The following PTPN4 variants were observed in gnomAD, a reference collection of about 807,000 sequenced individuals.
PTPN4 encodes the protein protein tyrosine phosphatase non-receptor type 4, also known as tyrosine-protein phosphatase non-receptor type 4.
PTPN4 carries 49 observed loss-of-function variants against 135.5 expected under a neutral mutation model. The ratio of observed to expected loss-of-function variants is 0.36; its 90% confidence interval spans 0.29 to 0.46. The LOEUF (loss-of-function observed/expected upper bound fraction) is 0.46, where lower values mean the gene tolerates loss of function less well. PTPN4 is among the 20% of genes least tolerant of loss of function. The probability of loss-of-function intolerance (pLI) is 1.00; values close to 1 mark genes in which losing one functional copy is unlikely to be tolerated. For synonymous variants in PTPN4, 333 were observed against 369.9 expected (o/e 0.90, Z 1.14); for missense variants, 860 against 1,101.0 (o/e 0.78, Z 3.10).
At chr2:119,969,552 C>CTTT (rs35531556) in intron 26 of PTPN4, among the ~76,000 whole-genome samples, 4,029 of 113,308 alleles carry the variant, frequency 0.036, 222 homozygotes, top group African/African-American at 0.057. Context: ...TAATCAATTT[C>CTTT]TTTTTTTTTT....
At chr2:119,766,721 CAG>C (rs1021532874) in intron 1 of PTPN4, among the ~76,000 whole-genome samples, 8 of 152,130 alleles carry the variant, frequency 5.3e-5, no homozygotes, top group African/African-American at 1.9e-4. Flanking sequence ...AGAAATGGAG[CAG>C]AGAGACCAGA....
At chr2:119,959,490 A>C (rs1275891466) in intron 22 of PTPN4, among the ~76,000 whole-genome samples, 2 of 152,230 alleles carry the variant, frequency 1.3e-5, no homozygotes, top group Non-Finnish European at 2.9e-5. Context: ...CTGTAATCCC[A>C]GCACTAAAGA....
intron 1 of PTPN4, among the ~76,000 whole-genome samples, chr2:119,775,813 C>CTA (rs1483788401): frequency 1.4e-4 from 21 of 146,574 alleles, no homozygotes; most frequent in African/African-American, 4.8e-4. Context: ...ATATCTATAT[C>CTA]TATATCTATA....
chr2:119,886,229 C>A (rs530828129), intron 9 of PTPN4, among the ~76,000 whole-genome samples: 3 of 152,138 alleles, frequency 2.0e-5, no homozygotes, highest in Non-Finnish European at 4.4e-5. Context: ...AAAATGTTCT[C>A]ACATCACTGA....
intron 10 of PTPN4, among the ~76,000 whole-genome samples, chr2:119,904,505 C>G (rs370967220): frequency 7.9e-5 from 12 of 152,070 alleles, no homozygotes; most frequent in Non-Finnish European, 1.3e-4. Flanking sequence ...TGAAAGCTTC[C>G]CAACTCTTGC....
intron 15 of PTPN4, among the ~76,000 whole-genome samples, chr2:119,944,559 A>G (rs1679106367): frequency 6.6e-6 from 1 of 152,128 alleles, no homozygotes; most frequent in African/African-American, 2.4e-5. Context: ...CAATATCTCA[A>G]CCAGTTTTGG....
chr2:119,973,206 C>T (rs981508144), intron 26 of PTPN4, among the ~76,000 whole-genome samples: 38 of 152,054 alleles, frequency 2.5e-4, no homozygotes, highest in African/African-American at 9.2e-4. Flanking sequence ...ATTCTACTTT[C>T]TGTTCCTATG....
rs540187170 is a variant in PTPN4, at chr2:119,983,925, G to A, written c.*6855G>A. The A allele has an allele frequency of 3.3e-4, 51 of 152,242 alleles. No individual in the cohort carries two copies. Among genetic ancestry groups the A allele is most frequent in the African/African-American group, 1.0e-3 (42 of 41,556 alleles). 9.4% of individuals were successfully genotyped at this position (152,242 alleles called of 1,614,324 possible). A position where few individuals can be genotyped will look rare whatever the true frequency, so the allele number is the denominator to read the frequency against. On this transcript the variant is annotated 3_prime_UTR_variant, in exon 27 of 27. Transcript: ENST00000263708. ...ACTTAGAAATCCATTTGTTTTCAGT[G>A]TAGTACCTAGGGTGAAGTAGATGCT...
In PTPN4 at chr2:119,932,494, G is replaced by T; in HGVS notation, c.1141G>T (p.Asp381Tyr). 6.2e-7 allele frequency: 1 copy of T among 1,611,906 alleles called. No individual in the cohort carries two copies. Among genetic ancestry groups the T allele is most frequent in the Non-Finnish European group, 8.5e-7 (1 of 1,178,254 alleles). The change falls in exon 14 of 27, where the codon GAC becomes TAC. Residue 381 changes from aspartate to tyrosine, a missense_variant. Physicochemically the swap from Asp to Tyr is radical, Grantham distance 160 (BLOSUM62 -3). Coordinates refer to ENST00000263708, the MANE Select transcript of PTPN4 (RefSeq NM_002830.4). ...EVVSRNSISD[D>Y]RLETQSLPSR... ...AGTAAGCAGAAATTCAATATCTGAT[G>T]ACAGGTTAGAAACACAAAGTCTTCC... is the stretch of plus-strand genomic sequence containing the variant.
chr2:119,951,606 A>G (rs75848423), intron 18 of PTPN4, among the ~76,000 whole-genome samples: 3,190 of 152,306 alleles, frequency 0.021, 49 homozygotes, highest in Non-Finnish European at 0.033. Context: ...TGTGGTAACT[A>G]AAGTTTGAAT....
intron 10 of PTPN4, 39 bp downstream of exon 10, chr2:119,900,845 A>G (rs542769576): frequency 3.4e-6 from 4 of 1,163,932 alleles, no homozygotes; most frequent in Non-Finnish European, 4.9e-6. Flanking sequence ...TTACCACTGT[A>G]TTACTAAATA....
At chr2:119,846,617 T>A (rs1457706498) in intron 2 of PTPN4, among the ~76,000 whole-genome samples, 1 of 152,090 alleles carries the variant, frequency 6.6e-6, no homozygotes, top group African/African-American at 2.4e-5. Context: ...CAGTTAATGT[T>A]ATTATTGATA....
Position 119,962,827 on chromosome 2 carries a change from T to C in PTPN4, c.2409+83T>C, listed in dbSNP as rs1665327876. ...GCTGAAAATGTTTTTAGTTTGAGTA[T>C]TGGTTGCTAGGAAATACTATAAGAA... On this transcript the variant is annotated intron_variant, in intron 24 of 26. Transcript: ENST00000263708. 2.5e-6 allele frequency: 3 copies of C among 1,183,620 alleles called. No homozygotes were observed. In the East Asian group the frequency reaches 8.5e-5, roughly 33 times the overall value. The allele number at this position is 1,183,620 out of a possible 1,614,324, so 73.3% of individuals were successfully genotyped here.
chr2:119,880,994 T>G (rs1047382976), intron 5 of PTPN4, among the ~76,000 whole-genome samples: 1 of 152,148 alleles, frequency 6.6e-6, no homozygotes, highest in East Asian at 1.9e-4. Flanking sequence ...ATAAAAAATC[T>G]TAAGATTTCC....
rs1235201955 is a variant in PTPN4, at chr2:119,949,346, C to G, written c.1657-2627C>G. 2.0e-5 allele frequency among the ~76,000 whole-genome samples: 3 copies of G among 152,196 alleles called. No homozygotes were observed. In the East Asian group the frequency reaches 5.8e-4, roughly 29 times the overall value. On this transcript the variant is annotated intron_variant, in intron 18 of 26. Transcript: ENST00000263708. ...TTCTAATTGGAAACCACAGTTTAGG[C>G]AATCGGGGGAAAAGGAAAAGGTTTC...
intron 23 of PTPN4, 114 bp downstream of exon 23, chr2:119,961,067 C>A: frequency 8.3e-7 from 1 of 1,206,674 alleles, no homozygotes; most frequent in Non-Finnish European, 1.1e-6. Context: ...ATCTTCTTTT[C>A]TTGTGGTTTC....
rs544032520 is a variant in PTPN4 at position 119,821,590 on chromosome 2, G to A, written c.138+11599G>A. Among the ~76,000 whole-genome samples, 52 of 152,050 alleles carry A rather than the reference G, an allele frequency of 3.4e-4. No individual in the cohort carries two copies. In the South Asian group the frequency reaches 0.011, roughly 32 times the overall value. On this transcript the variant is annotated intron_variant, in intron 2 of 26. Transcript: ENST00000263708. ...TTTTGCAATTATTTAATTTTTTCAT[G>A]TAAAATCTGGATGTTGATAGGCACT...
At chr2:119,946,741 G>C in intron 18 of PTPN4, 167 bp downstream of exon 18, 2 of 570,484 alleles carry the variant, frequency 3.5e-6, no homozygotes, top group South Asian at 5.3e-5. Flanking sequence ...GTTTTGACTT[G>C]TTCTCTGTAA....
chr2:119,856,697 TAAG>T (rs1470322709), intron 2 of PTPN4, among the ~76,000 whole-genome samples: 1 of 152,202 alleles, frequency 6.6e-6, no homozygotes, highest in Non-Finnish European at 1.5e-5. Flanking sequence ...CTAAGTCTGA[TAAG>T]AAGTCTTAAC....
Sources: allele counts gnomAD v4.1 joint callset (sites outside exome capture counted in the v4.1 genomes callset), GRCh38; gene constraint gnomAD v4.1.1; transcripts MANE v1.5; gene names NCBI Gene and HGNC (gene_info 2026-07-23, HGNC 2026-07-21).